Variants in HDC observed in about 807,000 individuals in gnomAD.
The protein encoded by HDC is histidine decarboxylase.
In HDC, 27 loss-of-function variants were observed where a neutral mutation model predicts 64.4. The ratio of observed to expected loss-of-function variants is 0.42; its 90% CI spans 0.31 to 0.58. The LOEUF (loss-of-function observed/expected upper bound fraction) is 0.58. HDC is among the 20% of genes least tolerant of loss of function. HDC has a pLI of 0.16. For synonymous variants in HDC, 305 were observed against 314.2 expected, an observed-to-expected ratio of 0.97 and a Z score of 0.31; for missense variants, 711 against 833.9, an observed-to-expected ratio of 0.85 and a Z score of 1.81.
intron 2 of HDC, among the ~76,000 whole-genome samples, chr15:50,262,318 G>C (rs1163912998): frequency 1.3e-5 from 2 of 152,190 alleles, no homozygotes; most frequent in African/African-American, 4.8e-5. Flanking sequence ...CTTTGGGCAA[G>C]ACAGTTAACT....
rs761431776 is a variant in HDC, at chr15:50,242,830, G to T, written c.1419C>A (p.Leu473=). Residue 473 remains leucine (L), a synonymous_variant, in exon 12 of 12, where the codon CTC becomes CTA. Coordinates refer to ENST00000267845, the MANE Select transcript of HDC (RefSeq NM_002112.4). ...GGGAAGTACAGTGCTGACTCAGGAT[G>T]AGAGTGGCAGCATCTCGAATGAGAT... ...DWNLIRDAAT[L]ILSQHCTSQP... is the part of the protein sequence containing the mutation. 8 of 1,613,820 alleles carry T rather than the reference G, an allele frequency of 5.0e-6. No homozygotes were observed. The highest frequency in any genetic ancestry group is 5.1e-6 in the Non-Finnish European group (6 of 1,179,832).
rs574995783 is a variant in HDC at position 50,248,507 on chromosome 15, T to C, written c.1042-164A>G. Among the ~76,000 whole-genome samples, 5 of 152,100 alleles carry C rather than the reference T, an allele frequency of 3.3e-5. No individual in the cohort carries two copies. Among genetic ancestry groups the C allele is most frequent in the Non-Finnish European group, 7.4e-5 (5 of 68,012 alleles). ...GGAGTAAGCCAAGCTCCCCAAGGGT[T>C]GCCCCATCGTGTGACCAAATCACTG... On this transcript the variant is annotated intron_variant, in intron 9 of 11. Transcript: ENST00000267845. The surrounding 1 kb of genome is among the most constrained non-coding windows in gnomAD (Gnocchi z 4.3).
intron 7 of HDC, chr15:50,253,014 T>C: frequency 1.8e-6 from 1 of 569,908 alleles, no homozygotes; most frequent in East Asian, 3.0e-5. Context: ...TTCCACTGGG[T>C]AAAGGGCCAG....
Position 50,243,148 on chromosome 15 carries a change from G to A in HDC, c.1237C>T (p.Leu413=), listed in dbSNP as rs762273214. The change falls in exon 11 of 12, where the codon CTA becomes TTA. Residue 413 remains leucine (L), a synonymous_variant. Transcript: ENST00000267845. ...GGCTTGGAAGATGGTATTACCTTTAGACGAAAAACCACCAGGCCAAGGTGC... is the reference window on the plus strand; with the variant it reads ...GGCTTGGAAGATGGTATTACCTTTAAACGAAAAACCACCAGGCCAAGGTGC... ...KRHLGLVVFR[L]KGPNCLTENV... is the part of the protein sequence containing the mutation. 6.2e-7 allele frequency: 1 copy of A among 1,613,236 alleles called. No homozygotes were observed. The highest frequency in any genetic ancestry group is 8.5e-7 in the Non-Finnish European group (1 of 1,179,166).
In HDC at chr15:50,263,358, C is replaced by G. The variant is rs1169074738; in HGVS notation, c.81G>C (p.Glu27Asp). The change falls in exon 2 of 12, where the codon GAG becomes GAC. Residue 27 changes from glutamate to aspartate, a missense_variant. Transcript: ENST00000267845. ...YICQYLSTVR[E>D]RRVTPDVQPG... The stretch of plus-strand genomic sequence containing the variant: ...GCTGCACGTCTGGCGTCACACGTCT[C>G]TCCCGCACAGTGCTCAGGTACTGGC... 1.2e-6 allele frequency: 2 copies of G among 1,614,214 alleles called. No individual in the cohort carries two copies. Among genetic ancestry groups the G allele is most frequent in the Non-Finnish European group, 1.7e-6 (2 of 1,180,026 alleles).
chr15:50,256,941 G>C (rs1219098298), intron 4 of HDC, among the ~76,000 whole-genome samples: 1 of 152,044 alleles, frequency 6.6e-6, no homozygotes, highest in African/African-American at 2.4e-5. Context: ...CACTACTCTT[G>C]AAAAAAAGAA....
chr15:50,254,738 TTCTCTCTC>T (rs55859417), intron 4 of HDC, 74 bp from the exon 5 acceptor site: 34,045 of 857,770 alleles, frequency 0.04, 286 homozygotes, highest in African/African-American at 0.092. Flanking sequence ...TTCTAGTTTT[TTCTCTCTC>T]TCTCTCTCTC....
intron 9 of HDC, among the ~76,000 whole-genome samples, chr15:50,251,816 A>G (rs1371591607): frequency 6.6e-6 from 1 of 151,064 alleles, no homozygotes; most frequent in Non-Finnish European, 1.5e-5. Context: ...TGGTTGACAG[A>G]GCGAGACTCT....
chr15:50,250,508 C>T (rs117849339), intron 9 of HDC, among the ~76,000 whole-genome samples: 2,833 of 152,232 alleles, frequency 0.019, 46 homozygotes, highest in Non-Finnish European at 0.03. Flanking sequence ...ACAGAGAGCA[C>T]TGTAAAATCT....
Position 50,242,374 on chromosome 15 carries a change from C to T in HDC, c.1875G>A (p.Leu625=), listed in dbSNP as rs1322001992. The change falls in exon 12 of 12, where the codon CTG becomes CTA. Residue 625 remains leucine (L), a synonymous_variant. Coordinates refer to ENST00000267845, the MANE Select transcript of HDC (RefSeq NM_002112.4). The part of the protein sequence containing the change: ...FSRFPEDMMM[L]KKSAFKKLIK... Reference sequence around the variant, plus strand: ...TGAGTTTTTTGAAGGCACTTTTCTTCAGCATCATCATGTCTTCTGGAAACC... The same window carrying T: ...TGAGTTTTTTGAAGGCACTTTTCTTTAGCATCATCATGTCTTCTGGAAACC... The T allele has an allele frequency of 6.2e-7, 1 of 1,614,158 alleles. No homozygotes were observed. The highest frequency in any genetic ancestry group is 1.7e-5 in the Admixed American group (1 of 60,026).
chr15:50,254,473 CA>C (rs1567452018), intron 5 of HDC, 56 bp downstream of exon 5: 3 of 1,612,816 alleles, frequency 1.9e-6, no homozygotes, highest in East Asian at 4.5e-5. Flanking sequence ...GCTCAAGGAC[CA>C]AGATTCCAGA....
At chr15:50,261,232 C>A (rs1253969167) in intron 2 of HDC, among the ~76,000 whole-genome samples, 1 of 152,198 alleles carries the variant, frequency 6.6e-6, no homozygotes, top group African/African-American at 2.4e-5. Context: ...ATGAGCCTCA[C>A]CGACCATACC....
At chr15:50,246,860 T>A (rs2045489305) in intron 10 of HDC, among the ~76,000 whole-genome samples, 1 of 152,186 alleles carries the variant, frequency 6.6e-6, no homozygotes, top group South Asian at 2.1e-4. Flanking sequence ...GTGCCTAAAG[T>A]TCCTCAATAT....
chr15:50,242,339 T>C lies in HDC; in HGVS notation c.1910A>G (p.Tyr637Cys). Reference protein sequence around the residue: ...KSAFKKLIKFYSVPSFPECSS... With the variant: ...KSAFKKLIKFCSVPSFPECSS... ...GCATTCAGGAAAGCTGGGGACGCTG[T>C]AGAATTTGATGAGTTTTTTGAAGGC... Residue 637 changes from tyrosine to cysteine, a missense_variant, in exon 12 of 12, where the codon TAC becomes TGC. Transcript: ENST00000267845. The C allele has an allele frequency of 1.2e-6, 2 of 1,614,128 alleles. No individual in the cohort carries two copies. The highest frequency in any genetic ancestry group is 8.5e-7 in the Non-Finnish European group (1 of 1,180,010).
Position 50,252,699 on chromosome 15 carries a change from C to T in HDC, c.863G>A (p.Gly288Glu), listed in dbSNP as rs747771158. The T allele has an allele frequency of 6.2e-7, 1 of 1,614,082 alleles. No homozygotes were observed. Among genetic ancestry groups the T allele is most frequent in the East Asian group, 2.2e-5 (1 of 44,878 alleles). The change falls in exon 8 of 12, where the codon GGG (glycine) becomes GAG (glutamate). Residue 288 changes from glycine to glutamate, a missense_variant. Transcript: ENST00000267845. ...GGCATACTCAATCCCCTTCAGAAAC[C>T]CCCGGAACTCGGGGCACAGGAAGGC... Reference protein sequence around the residue: ...GTAFLCPEFRGFLKGIEYADS... With the variant: ...GTAFLCPEFREFLKGIEYADS...
In HDC at chr15:50,248,168, A is replaced by T. The variant is rs1252896738; in HGVS notation, c.1140+77T>A. On this transcript the variant is annotated intron_variant, in intron 10 of 11. Transcript: ENST00000267845. This position sits in a 1 kb window ranked among gnomAD's most constrained non-coding sequence, Gnocchi z 4.3. ...CCGCAAGTCTCCTAGGCAGATCTGC[A>T]AAGTAGAAACCAGCCTTCCTCGCCA... The T allele has an allele frequency of 9.5e-7, 1 of 1,054,140 alleles. No individual in the cohort carries two copies. Among genetic ancestry groups the T allele is most frequent in the Non-Finnish European group, 1.5e-6 (1 of 682,548 alleles). The allele number at this position is 1,054,140 out of a possible 1,614,324, so 65.3% of individuals were successfully genotyped here.
intron 3 of HDC, 88 bp from the exon 4 acceptor site, chr15:50,257,635 G>T (rs2045650268): frequency 6.8e-7 from 1 of 1,463,556 alleles, no homozygotes; most frequent in East Asian, 2.3e-5. Context: ...GCCCCTGATG[G>T]TGTCAATGGG....
Position 50,242,971 on chromosome 15 carries a change from T to C in HDC, c.1278A>G (p.Glu426=), listed in dbSNP as rs544365055. The change falls in exon 12 of 12, where the codon GAA becomes GAG. Residue 426 remains glutamate, a synonymous_variant. Coordinates refer to ENST00000267845, the MANE Select transcript of HDC (RefSeq NM_002112.4). ...GGAAGAGACGGCCAGCTTTAGCTATTTCCTTTAACACATTTTCTGTGAGAC... is the reference window on the plus strand; with the variant it reads ...GGAAGAGACGGCCAGCTTTAGCTATCTCCTTTAACACATTTTCTGTGAGAC... The part of the protein sequence containing the change: ...PNCLTENVLK[E]IAKAGRLFLI... The C allele has an allele frequency of 6.2e-6, 10 of 1,614,000 alleles. No homozygotes were observed. In the East Asian group the frequency reaches 2.0e-4, roughly 32 times the overall value.
chr15:50,243,199 G>T lies in HDC; in HGVS notation c.1186C>A (p.Pro396Thr). 1 of 1,614,020 alleles carries T rather than the reference G, an allele frequency of 6.2e-7. No homozygotes were observed. Among genetic ancestry groups the T allele is most frequent in the Non-Finnish European group, 8.5e-7 (1 of 1,179,912 alleles). Residue 396 changes from proline to threonine, a missense_variant, in exon 11 of 12, where the codon CCT (proline) becomes ACT (threonine). By Grantham distance (38) the Pro-to-Thr change is conservative (BLOSUM62 -1). Transcript: ENST00000267845. ...CTCTTGGCAGGAATTTCAAAGGAAGGGTCGTTTCTGACCAGAGATTCAAAA... is the reference window on the plus strand; with the variant it reads ...CTCTTGGCAGGAATTTCAAAGGAAGTGTCGTTTCTGACCAGAGATTCAAAA... Reference protein sequence around the residue: ...KYFESLVRNDPSFEIPAKRHL... With the variant: ...KYFESLVRNDTSFEIPAKRHL...
Sources: allele counts gnomAD v4.1 joint callset (sites outside exome capture counted in the v4.1 genomes callset), GRCh38; gene constraint gnomAD v4.1.1; non-coding constraint Gnocchi (gnomAD v3.1); transcripts MANE v1.5; gene names NCBI Gene and HGNC (gene_info 2026-07-23, HGNC 2026-07-21).